The following ITGA9 variants were observed in gnomAD, a reference collection of about 807,000 sequenced individuals.
The protein encoded by ITGA9 is integrin subunit alpha 9, also known as integrin alpha-9.
Under a neutral mutation model 127.8 loss-of-function variants are expected in ITGA9, and 56 were observed. The ratio of observed to expected loss-of-function variants is 0.44; its 90% CI spans 0.35 to 0.55. The LOEUF (loss-of-function observed/expected upper bound fraction) is 0.55. Ranked by LOEUF, ITGA9 falls within the 20% of genes least tolerant of loss-of-function variation. ITGA9 has a pLI of 0.00. For synonymous variants in ITGA9, 508 were observed against 514.5 expected, an observed-to-expected ratio of 0.99 and a Z score of 0.17; for missense variants, 1,196 against 1,347.1, an observed-to-expected ratio of 0.89 and a Z score of 1.76.
At chr3:37,693,467 G>T (rs1331771739) in intron 18 of ITGA9, among the ~76,000 whole-genome samples, 3 of 152,144 alleles carry the variant, frequency 2.0e-5, no homozygotes, top group Admixed American at 6.5e-5. Context: ...CTTATCAAGT[G>T]ATTCTTCAGA....
At chr3:37,748,613 GGCAGCCACCTGTAATCCCA>G in intron 22 of ITGA9, 1 of 496,312 alleles carries the variant, frequency 2.0e-6, no homozygotes, top group Non-Finnish European at 3.6e-6. Context: ...CGGGGATGGT[GGCAGCCACCTGTAATCCCA>G]GCTACTCAGG....
chr3:37,475,664 G>A (rs1698486220), intron 3 of ITGA9, among the ~76,000 whole-genome samples: 1 of 152,176 alleles, frequency 6.6e-6, no homozygotes, highest in Non-Finnish European at 1.5e-5. Context: ...TGGGTGCTGG[G>A]CAAAGAGGAG....
chr3:37,751,729 G>A (rs1696588485), intron 23 of ITGA9, among the ~76,000 whole-genome samples: 2 of 152,150 alleles, frequency 1.3e-5, no homozygotes, highest in South Asian at 4.1e-4. Context: ...CCTGGCTATC[G>A]TTCTGGCTGA....
At chr3:37,793,947 C>T (rs144303119) in intron 26 of ITGA9, among the ~76,000 whole-genome samples, 77 of 152,232 alleles carry the variant, frequency 5.1e-4, no homozygotes, top group African/African-American at 1.8e-3. Flanking sequence ...GCTGGGCAGG[C>T]CAAATCAAGA....
At position 37,814,841 on chromosome 3, in the gene ITGA9, G is replaced by A. The variant is rs1476812806; in HGVS notation, c.3010-4050G>A. On this transcript the variant is annotated intron_variant, in intron 27 of 27. Coordinates refer to ENST00000264741, the MANE Select transcript of ITGA9 (RefSeq NM_002207.3). The surrounding 1 kb of genome is among the most constrained non-coding windows in gnomAD (Gnocchi z 4.3). ...AATGCAGTGTAGCACCTGCACTACTGTACCTACAACTCCCTAGCCATGAGA... is the reference window on the plus strand; with the variant it reads ...AATGCAGTGTAGCACCTGCACTACTATACCTACAACTCCCTAGCCATGAGA... 6.6e-6 allele frequency among the ~76,000 whole-genome samples: 1 copy of A among 152,158 alleles called. No individual in the cohort carries two copies. The highest frequency in any genetic ancestry group is 2.4e-5 in the African/African-American group (1 of 41,416).
intron 15 of ITGA9, among the ~76,000 whole-genome samples, chr3:37,564,738 T>C (rs912863260): frequency 1.1e-4 from 16 of 152,196 alleles, no homozygotes; most frequent in African/African-American, 3.9e-4. Context: ...AACATGATGC[T>C]GGGCTGAGCC....
At chr3:37,604,598 G>A (rs1699950484) in intron 15 of ITGA9, among the ~76,000 whole-genome samples, 3 of 152,212 alleles carry the variant, frequency 2.0e-5, no homozygotes, top group Admixed American at 1.3e-4. Context: ...TGTTGCTTTT[G>A]GGAATGGTGT....
chr3:37,592,881 T>C (rs1022829162), intron 15 of ITGA9, among the ~76,000 whole-genome samples: 11 of 152,204 alleles, frequency 7.2e-5, no homozygotes, highest in African/African-American at 2.7e-4. Context: ...CAGTAGTGAA[T>C]GAACTTGAGT....
intron 17 of ITGA9, among the ~76,000 whole-genome samples, chr3:37,668,410 C>T (rs570713845): frequency 6.6e-6 from 1 of 152,204 alleles, no homozygotes; most frequent in Non-Finnish European, 1.5e-5. Context: ...AAGCATCTTT[C>T]CAGCAGGCAC....
intron 26 of ITGA9, chr3:37,790,071 A>G: frequency 1.8e-6 from 1 of 555,172 alleles, no homozygotes; most frequent in East Asian, 4.7e-5. Flanking sequence ...AAAGTTTATG[A>G]TTGTTAAGAA....
intron 15 of ITGA9, among the ~76,000 whole-genome samples, chr3:37,572,374 C>T (rs1438826563): frequency 5.3e-5 from 8 of 152,130 alleles, no homozygotes; most frequent in Admixed American, 5.2e-4. Flanking sequence ...GAAGGCCTTA[C>T]TGTGGGGTGG....
chr3:37,600,957 A>G (rs1699917446), intron 15 of ITGA9, among the ~76,000 whole-genome samples: 1 of 152,196 alleles, frequency 6.6e-6, no homozygotes, highest in Admixed American at 6.5e-5. Flanking sequence ...ATATAGTAAA[A>G]TGCAAATGCT....
At chr3:37,623,932 A>G (rs559390545) in intron 15 of ITGA9, among the ~76,000 whole-genome samples, 3 of 152,306 alleles carry the variant, frequency 2.0e-5, no homozygotes, top group Non-Finnish European at 2.9e-5. Context: ...AGGAGTGTCT[A>G]CAAGATTATC....
chr3:37,605,562 A>T (rs912180846), intron 15 of ITGA9, among the ~76,000 whole-genome samples: 2 of 152,152 alleles, frequency 1.3e-5, no homozygotes, highest in Non-Finnish European at 2.9e-5. Context: ...TCTGCCTCTC[A>T]ACTGTTCACC....
intron 18 of ITGA9, among the ~76,000 whole-genome samples, chr3:37,720,038 C>G (rs1701174786): frequency 6.6e-6 from 1 of 152,158 alleles, no homozygotes; most frequent in Non-Finnish European, 1.5e-5. Flanking sequence ...TGGAGCAGTG[C>G]TTCTCAAATG....
intron 23 of ITGA9, among the ~76,000 whole-genome samples, chr3:37,776,012 T>A (rs1696902915): frequency 6.6e-6 from 1 of 152,194 alleles, no homozygotes; most frequent in African/African-American, 2.4e-5. Flanking sequence ...TAAAAAAGAA[T>A]GAGATCATGC....
intron 23 of ITGA9, among the ~76,000 whole-genome samples, chr3:37,766,545 G>A (rs537589957): frequency 1.2e-4 from 18 of 152,278 alleles, no homozygotes; most frequent in Non-Finnish European, 2.1e-4. Flanking sequence ...AACTAATAAA[G>A]CAATATATGC....
At chr3:37,655,799 T>C (rs866274591) in intron 17 of ITGA9, among the ~76,000 whole-genome samples, 3 of 152,300 alleles carry the variant, frequency 2.0e-5, no homozygotes, top group South Asian at 2.1e-4. Context: ...ATTGCCTAGG[T>C]TTTCTTCTAG....
intron 12 of ITGA9, among the ~76,000 whole-genome samples, chr3:37,525,198 T>C (rs1174628582): frequency 1.3e-5 from 2 of 152,210 alleles, no homozygotes; most frequent in African/African-American, 4.8e-5. Context: ...ACTTCCTAAA[T>C]TAAAGTTATT....
Sources: gnomAD v4.1 joint callset for allele counts (sites outside exome capture counted in the v4.1 genomes callset) on GRCh38, gnomAD v4.1.1 for gene constraint, Gnocchi (gnomAD v3.1) non-coding constraint, MANE v1.5 for transcripts, NCBI Gene and HGNC (gene_info 2026-07-23, HGNC 2026-07-21) for gene names.